The following STXBP6 variants were observed in gnomAD, a reference collection of about 807,000 sequenced individuals.
STXBP6 encodes syntaxin-binding protein 6.
Under a neutral mutation model 26.9 loss-of-function variants are expected in STXBP6, and 21 were observed. The ratio of observed to expected loss-of-function variants is 0.78; its 90% CI spans 0.55 to 1.12. The LOEUF (loss-of-function observed/expected upper bound fraction) is 1.12. STXBP6 is among the 50% of genes most tolerant of loss of function. STXBP6 has a pLI of 0.00. For missense variants in STXBP6, 232 were observed against 257.9 expected, an observed-to-expected ratio of 0.90 and a Z score of 0.69; for synonymous variants, 97 against 92.6, an observed-to-expected ratio of 1.05 and a Z score of -0.27.
chr14:24,831,844 G>T (rs1261260426), intron 4 of STXBP6, among the ~76,000 whole-genome samples: 1 of 152,122 alleles, frequency 6.6e-6, no homozygotes, highest in Non-Finnish European at 1.5e-5. Flanking sequence ...CATTGTTTGA[G>T]ATTGGAAAGC....
At chr14:24,938,794 T>C (rs2072694622) in intron 2 of STXBP6, among the ~76,000 whole-genome samples, 1 of 152,154 alleles carries the variant, frequency 6.6e-6, no homozygotes, top group Admixed American at 6.5e-5. Flanking sequence ...ATCTTAAACA[T>C]GAGTCCCTGC....
At chr14:24,817,836 G>A (rs958636243) in intron 5 of STXBP6, 27 of 330,414 alleles carry the variant, frequency 8.2e-5, no homozygotes, top group South Asian at 5.9e-4. Flanking sequence ...CTCGAAATGG[G>A]CCCCACGGGC....
At chr14:24,921,343 A>G (rs1407022165) in intron 2 of STXBP6, among the ~76,000 whole-genome samples, 2 of 152,152 alleles carry the variant, frequency 1.3e-5, no homozygotes, top group Non-Finnish European at 1.5e-5. Flanking sequence ...TAACACTTTA[A>G]TAAGGTGCTT....
At chr14:25,023,741 G>A (rs987824033) in intron 1 of STXBP6, among the ~76,000 whole-genome samples, 5 of 152,100 alleles carry the variant, frequency 3.3e-5, no homozygotes, top group Non-Finnish European at 5.9e-5. Flanking sequence ...GGTAACCTAT[G>A]ATCATACCAC....
At chr14:24,820,877 T>C (rs2068114530) in intron 4 of STXBP6, among the ~76,000 whole-genome samples, 1 of 152,182 alleles carries the variant, frequency 6.6e-6, no homozygotes, top group Non-Finnish European at 1.5e-5. Context: ...TCTACCTTGT[T>C]CTTTGCAGAT....
intron 2 of STXBP6, among the ~76,000 whole-genome samples, chr14:24,970,537 T>C (rs1315951332): frequency 6.6e-6 from 1 of 152,190 alleles, no homozygotes; most frequent in African/African-American, 2.4e-5. Flanking sequence ...GATTCATCCA[T>C]GTTGCTACAT....
chr14:24,935,965 C>G (rs1343355605), intron 2 of STXBP6, among the ~76,000 whole-genome samples: 3 of 152,156 alleles, frequency 2.0e-5, no homozygotes, highest in Non-Finnish European at 4.4e-5. Flanking sequence ...CCAAAACAAA[C>G]GAGAGAAATA....
At chr14:24,818,908 G>A in intron 5 of STXBP6, 129 bp downstream of exon 5, 1 of 1,253,060 alleles carries the variant, frequency 8.0e-7, no homozygotes, top group Non-Finnish European at 1.1e-6. Flanking sequence ...GTAGCAGATG[G>A]GAATTACATA....
intron 1 of STXBP6, among the ~76,000 whole-genome samples, chr14:24,981,584 G>A (rs776581833): frequency 2.0e-5 from 3 of 151,982 alleles, no homozygotes; most frequent in Non-Finnish European, 4.4e-5. Context: ...TTTATGAAGG[G>A]TAAACTATGT....
At position 25,049,157 on chromosome 14, in the gene STXBP6, G is replaced by A. The variant is rs1291872672; in HGVS notation, c.-33+721C>T. ...GAACGGGGTGGGGTGGTGAGGTGGC[G>A]GGGTGTTGTAAACCTGAGGAAAGGT... On this transcript the variant is annotated intron_variant, in intron 1 of 5. Coordinates refer to ENST00000323944, the MANE Select transcript of STXBP6 (RefSeq NM_001394410.1). The surrounding 1 kb of genome is among the most constrained non-coding windows in gnomAD (Gnocchi z 5.6). 2.0e-6 allele frequency: 2 copies of A among 985,438 alleles called. No individual in the cohort carries two copies. Among genetic ancestry groups the A allele is most frequent in the African/African-American group, 3.5e-5 (2 of 57,352 alleles). 61.0% of individuals were successfully genotyped at this position (985,438 alleles called of 1,614,324 possible).
At chr14:24,910,812 A>C (rs2071544322) in intron 2 of STXBP6, among the ~76,000 whole-genome samples, 1 of 152,200 alleles carries the variant, frequency 6.6e-6, no homozygotes, top group Non-Finnish European at 1.5e-5. Context: ...AAAATGTCAG[A>C]GAGTAAAAAC....
At chr14:24,854,683 C>T (rs1163791814) in intron 4 of STXBP6, among the ~76,000 whole-genome samples, 4 of 152,038 alleles carry the variant, frequency 2.6e-5, no homozygotes, top group Non-Finnish European at 5.9e-5. Flanking sequence ...AACCTTCTGC[C>T]AAGTCCGTTA....
chr14:25,015,233 C>T (rs1337239376), intron 1 of STXBP6, among the ~76,000 whole-genome samples: 1 of 152,142 alleles, frequency 6.6e-6, no homozygotes, highest in Non-Finnish European at 1.5e-5. Flanking sequence ...AAAAAAATCA[C>T]ATTTGAACAA....
intron 1 of STXBP6, among the ~76,000 whole-genome samples, chr14:24,996,633 A>G (rs537496632): frequency 6.6e-6 from 1 of 151,946 alleles, no homozygotes; most frequent in South Asian, 2.1e-4. Context: ...AGGTGGATCA[A>G]CTGAGGTCGC....
intron 4 of STXBP6, among the ~76,000 whole-genome samples, chr14:24,840,855 T>C (rs2068763423): frequency 6.6e-6 from 1 of 152,122 alleles, no homozygotes; most frequent in Non-Finnish European, 1.5e-5. Context: ...TTTTTTTTCC[T>C]GTCAAATTAA....
chr14:24,858,072 C>A (rs2069402347), intron 2 of STXBP6, among the ~76,000 whole-genome samples: 1 of 152,102 alleles, frequency 6.6e-6, no homozygotes, highest in Non-Finnish European at 1.5e-5. Context: ...TGAAGATGAT[C>A]CTAATTACTG....
intron 4 of STXBP6, chr14:24,819,442 T>G: frequency 3.4e-6 from 2 of 588,292 alleles, no homozygotes; most frequent in Non-Finnish European, 6.1e-6. Context: ...ATCACTGACA[T>G]GCCAGTCATT....
At chr14:24,937,317 AACC>A (rs1308075425) in intron 2 of STXBP6, among the ~76,000 whole-genome samples, 1 of 152,222 alleles carries the variant, frequency 6.6e-6, no homozygotes, top group Non-Finnish European at 1.5e-5. Context: ...CTACCAATTA[AACC>A]ACGACACACT....
At position 24,974,868 on chromosome 14, in the gene STXBP6, G is replaced by T; in HGVS notation, c.-32-18C>A. On this transcript the variant is annotated intron_variant, in intron 1 of 5. Transcript: ENST00000323944. Reference sequence around the variant, plus strand: ...CAGTGAATCTTTTAAAGAAGGAAAAGAAAGGAAAGTTGGAATTGACAACAT... The same window carrying T: ...CAGTGAATCTTTTAAAGAAGGAAAATAAAGGAAAGTTGGAATTGACAACAT... 6.7e-7 allele frequency: 1 copy of T among 1,498,922 alleles called. No homozygotes were observed. Among genetic ancestry groups the T allele is most frequent in the Non-Finnish European group, 9.0e-7 (1 of 1,113,944 alleles). 92.9% of individuals were successfully genotyped at this position (1,498,922 alleles called of 1,614,324 possible).
Sources: allele counts gnomAD v4.1 joint callset (sites outside exome capture counted in the v4.1 genomes callset), GRCh38; gene constraint gnomAD v4.1.1; non-coding constraint Gnocchi (gnomAD v3.1); transcripts MANE v1.5; gene names NCBI Gene and HGNC (gene_info 2026-07-23, HGNC 2026-07-21).